UNC5B: variants seen among roughly 807,000 people sequenced by gnomAD.
UNC5B encodes the protein unc-5 netrin receptor B, also known as netrin receptor UNC5B.
Under a neutral mutation model 103.7 loss-of-function variants are expected in UNC5B, and 56 were observed. That is an observed-to-expected ratio of 0.54 (90% CI 0.44 to 0.67). The LOEUF (loss-of-function observed/expected upper bound fraction) is 0.67, where lower values mean the gene tolerates loss of function less well. UNC5B is among the 30% of genes least tolerant of loss of function. UNC5B has a pLI of 0.00. For synonymous variants in UNC5B, 577 were observed against 542.0 expected, an observed-to-expected ratio of 1.06 and a Z score of -0.90; for missense variants, 1,194 against 1,284.5, an observed-to-expected ratio of 0.93 and a Z score of 1.08.
intron 13 of UNC5B, 81 bp from the exon 14 acceptor site, chr10:71,295,730 C>T: frequency 1.3e-6 from 2 of 1,532,114 alleles, no homozygotes; most frequent in Admixed American, 3.9e-5. Context: ...GGGCCCCTGC[C>T]CCCTGCCCCG....
chr10:71,272,877 CTGTTTGTTTGTT>C (rs112300355), intron 1 of UNC5B, among the ~76,000 whole-genome samples: 7 of 150,452 alleles, frequency 4.7e-5, no homozygotes, highest in African/African-American at 2.4e-5. Flanking sequence ...CATGCACTGC[CTGTTTGTTTGTT>C]TGTTTGTTTG....
At chr10:71,248,415 G>A (rs959072498) in intron 1 of UNC5B, among the ~76,000 whole-genome samples, 1 of 152,152 alleles carries the variant, frequency 6.6e-6, no homozygotes, top group Non-Finnish European at 1.5e-5. Context: ...AGGGAGAAGG[G>A]GGGCCCACTT....
intron 1 of UNC5B, among the ~76,000 whole-genome samples, chr10:71,265,120 G>A (rs1466837701): frequency 6.6e-6 from 1 of 152,192 alleles, no homozygotes; most frequent in Non-Finnish European, 1.5e-5. Context: ...CTACCAGAAA[G>A]AGTTGCGGGG....
At chr10:71,269,279 C>T (rs1412998369) in intron 1 of UNC5B, among the ~76,000 whole-genome samples, 1 of 151,222 alleles carries the variant, frequency 6.6e-6, no homozygotes, top group East Asian at 1.9e-4. Flanking sequence ...AGGCTACTAC[C>T]TTTGTAATCA....
chr10:71,286,992 C>A, intron 5 of UNC5B, 123 bp downstream of exon 5: 5 of 1,333,104 alleles, frequency 3.8e-6, no homozygotes, highest in South Asian at 1.4e-5. Context: ...GTGAATTGAC[C>A]AAGATCACAA....
rs545577120 is a variant in UNC5B, at chr10:71,258,653, C to A, written c.80-21168C>A. The stretch of plus-strand genomic sequence containing the variant: ...AGAGGGGAAGGGACTTGTCCAAGGT[C>A]ACACAGCTAGCGACATCCCAAGCAG... On this transcript the variant is annotated intron_variant, in intron 1 of 16. Transcript: ENST00000335350. 1.4e-4 allele frequency among the ~76,000 whole-genome samples: 22 copies of A among 152,334 alleles called. No homozygotes were observed. The East Asian group carries it at 4.1e-3, about 28-fold the overall frequency.
intron 14 of UNC5B, 62 bp from the exon 15 acceptor site, chr10:71,296,516 A>C (rs2132316220): frequency 1.3e-6 from 2 of 1,577,056 alleles, no homozygotes; most frequent in South Asian, 2.3e-5. Flanking sequence ...CTGAGCCTCC[A>C]TTTCTATGAG....
chr10:71,296,733 T>G lies in UNC5B; in HGVS notation c.2481T>G (p.Thr827=), dbSNP rs12783281. The change falls in exon 15 of 17, where the codon ACT becomes ACG. Residue 827 remains threonine (T), a synonymous_variant. Coordinates refer to ENST00000335350, the MANE Select transcript of UNC5B (RefSeq NM_170744.5). ...GCCAGATATTCCAGCTGCATACCACTCTGGCAGAGGTGAGGGAAGTCGGGG... is the reference window on the plus strand; with the variant it reads ...GCCAGATATTCCAGCTGCATACCACGCTGGCAGAGGTGAGGGAAGTCGGGG... ...GEGQIFQLHT[T]LAETPAGSLD... The G allele has an allele frequency of 4.3e-3, 6,877 of 1,599,080 alleles. 66 individuals carry two copies. The highest frequency in any genetic ancestry group is 0.028 in the African/African-American group (1,977 of 69,822).
In UNC5B at chr10:71,288,960, A is replaced by C. The variant is rs1189788090; in HGVS notation, c.1069A>C (p.Lys357Gln). The C allele has an allele frequency of 6.2e-7, 1 of 1,614,102 alleles. No homozygotes were observed. The highest frequency in any genetic ancestry group is 1.1e-5 in the South Asian group (1 of 91,076). The change falls in exon 8 of 17, where the codon AAG (lysine) becomes CAG (glutamine). Residue 357 changes from lysine to glutamine, a missense_variant and splice_region_variant. Lys to Gln is a moderately conservative substitution (Grantham distance 53). Transcript: ENST00000335350. ...NCTDGLCMQN[K>Q]KTLSDPNSHL... ...TTTCCCTTTATTTCCCTTGACAGAT[A>C]AGAAAACTCTAAGCGACCCCAACAG...
intron 14 of UNC5B, 122 bp downstream of exon 14, chr10:71,296,082 ACTGTCT>A (rs1564515544): frequency 1.7e-5 from 24 of 1,375,012 alleles, no homozygotes; most frequent in Non-Finnish European, 2.2e-5. Flanking sequence ...TGGATCTCTC[ACTGTCT>A]CTGTCTCCTC....
Position 71,287,612 on chromosome 10 carries a change from T to C in UNC5B, c.748T>C (p.Ser250Pro). 1 of 1,599,080 alleles carries C rather than the reference T, an allele frequency of 6.3e-7. No individual in the cohort carries two copies. The highest frequency in any genetic ancestry group is 8.5e-7 in the Non-Finnish European group (1 of 1,173,624). Residue 250 changes from serine to proline, a missense_variant, in exon 6 of 17, where the codon TCC (serine) becomes CCC (proline). Ser to Pro is a moderately conservative substitution (Grantham distance 74). Coordinates refer to ENST00000335350, the MANE Select transcript of UNC5B (RefSeq NM_170744.5). Reference sequence around the variant, plus strand: ...CCGCCTTGCAGTGAATGGCGGCTGGTCCAGCTGGGCAGAGTGGTCACCCTG... The same window carrying C: ...CCGCCTTGCAGTGAATGGCGGCTGGCCCAGCTGGGCAGAGTGGTCACCCTG... Reference protein sequence around the residue: ...TVIVYVNGGWSSWAEWSPCSN... With the variant: ...TVIVYVNGGWPSWAEWSPCSN...
At chr10:71,278,801 G>A (rs1844838120) in intron 1 of UNC5B, among the ~76,000 whole-genome samples, 1 of 152,256 alleles carries the variant, frequency 6.6e-6, no homozygotes, top group African/African-American at 2.4e-5. Context: ...CATTCACTGT[G>A]TCCTCTGGGC....
chr10:71,274,345 C>A (rs543850120), intron 1 of UNC5B, among the ~76,000 whole-genome samples: 2 of 151,634 alleles, frequency 1.3e-5, no homozygotes, highest in African/African-American at 4.8e-5. Context: ...GGCCACAGAG[C>A]GAGACTCTGT....
intron 1 of UNC5B, among the ~76,000 whole-genome samples, chr10:71,238,944 A>C (rs957661832): frequency 6.6e-6 from 1 of 152,090 alleles, no homozygotes; most frequent in Non-Finnish European, 1.5e-5. Context: ...ATGCCTGGCT[A>C]ATCCCTAGAG....
chr10:71,249,617 G>A (rs1053591102), intron 1 of UNC5B, among the ~76,000 whole-genome samples: 4 of 152,142 alleles, frequency 2.6e-5, no homozygotes, highest in African/African-American at 9.7e-5. Context: ...TCTAACTCCA[G>A]GAGAGTCCCC....
chr10:71,290,319 G>A (rs12263332), intron 8 of UNC5B, among the ~76,000 whole-genome samples: 132,798 of 152,102 alleles, frequency 0.87, 58,321 homozygotes, highest in Middle Eastern at 0.94. Context: ...AAGTGTAGCC[G>A]TGGGTTGCCT....
chr10:71,282,008 C>T (rs1388264804), intron 2 of UNC5B, among the ~76,000 whole-genome samples: 1 of 152,186 alleles, frequency 6.6e-6, no homozygotes, highest in Non-Finnish European at 1.5e-5. Flanking sequence ...CCTGCTGGGG[C>T]CCCTCACAGG....
At chr10:71,268,619 T>A (rs1844574777) in intron 1 of UNC5B, among the ~76,000 whole-genome samples, 1 of 152,166 alleles carries the variant, frequency 6.6e-6, no homozygotes, top group Non-Finnish European at 1.5e-5. Context: ...CACTTGGAAA[T>A]GTGTTTGGCA....
rs762918104 is a variant in UNC5B at position 71,269,348 on chromosome 10, C to CCCT, written c.80-10471_80-10470insTCC. Among the ~76,000 whole-genome samples, 982 of 143,522 alleles carry CCCT rather than the reference C, an allele frequency of 6.8e-3. 14 individuals are homozygous for CCCT. Among genetic ancestry groups the CCCT allele is most frequent in the Non-Finnish European group, 0.011 (684 of 65,012 alleles). The allele number at this position is 143,522 out of a possible 152,430, so 94.2% of individuals were successfully genotyped here. On this transcript the variant is annotated intron_variant, in intron 1 of 16. Transcript: ENST00000335350. ...AAAAGTTTAGAAAAATGAAGTCCCCCCCCCACAACTTCTCCTTTCCTGGGA... is the reference window on the plus strand; with the variant it reads ...AAAAGTTTAGAAAAATGAAGTCCCCCCCTCCCCACAACTTCTCCTTTCCTGGGA...
Sources: allele counts gnomAD v4.1 joint callset (sites outside exome capture counted in the v4.1 genomes callset), GRCh38; gene constraint gnomAD v4.1.1; transcripts MANE v1.5; gene names NCBI Gene and HGNC (gene_info 2026-07-23, HGNC 2026-07-21).